ZNF33B: variants seen among roughly 807,000 people sequenced by gnomAD.
ZNF33B encodes the protein zinc finger protein 33B.
A neutral mutation model predicts 45.8 loss-of-function variants in ZNF33B; 29 were observed. The observed-to-expected ratio is 0.63, with a 90% CI of 0.47 to 0.86. The LOEUF is 0.86. Among genes scored for constraint, ZNF33B ranks in the 40% least tolerant of loss-of-function variants. The probability of loss-of-function intolerance (pLI) is 0.00; values close to 1 mark genes in which losing one functional copy is unlikely to be tolerated. For synonymous variants in ZNF33B, 305 were observed against 307.8 expected (o/e 0.99, Z 0.10); for missense variants, 831 against 909.9 (o/e 0.91, Z 1.12).
intron 4 of ZNF33B, among the ~76,000 whole-genome samples, chr10:42,625,352 GTTT>G (rs1264964747): frequency 6.7e-6 from 1 of 149,438 alleles, no homozygotes; most frequent in Non-Finnish European, 1.5e-5. Flanking sequence ...GTGGTATTAT[GTTT>G]TTAATTTAGA....
At position 42,603,741 on chromosome 10, in the gene ZNF33B, G is replaced by C. The variant is rs28650911; in HGVS notation, c.251-9042C>G. On this transcript the variant is annotated intron_variant, in intron 4 of 4. Coordinates refer to ENST00000359467, the MANE Select transcript of ZNF33B (RefSeq NM_006955.3). ...AATCAGTAGCGGCTATCAGCAAAGTGTAACAGCAACAGAGGCAGACAGGCT... is the reference window on the plus strand; with the variant it reads ...AATCAGTAGCGGCTATCAGCAAAGTCTAACAGCAACAGAGGCAGACAGGCT... 4.5e-3 allele frequency among the ~76,000 whole-genome samples: 681 copies of C among 152,306 alleles called. 3 individuals are homozygous for C. The highest frequency in any genetic ancestry group is 0.015 in the African/African-American group (642 of 41,574).
Position 42,592,315 on chromosome 10 carries a change from T to C in ZNF33B, c.*298A>G, listed in dbSNP as rs210281. The C allele has an allele frequency of 0.84, 498,556 of 595,202 alleles. 209,902 individuals are homozygous for C. Among genetic ancestry groups the C allele is most frequent in the East Asian group, 0.97 (22,745 of 23,394 alleles). The allele number at this position is 595,202 out of a possible 1,614,324, so 36.9% of individuals were successfully genotyped here. A position where few individuals can be genotyped will look rare whatever the true frequency, so the allele number is the denominator to read the frequency against. ...TTGACAATTTTCTCCTCAGTGTAAA[T>C]GCTAACATAATCCTATTTGTAGTTT... On this transcript the variant is annotated 3_prime_UTR_variant, in exon 5 of 5. Transcript: ENST00000359467.
At chr10:42,601,821 T>C (rs1164738876) in intron 4 of ZNF33B, among the ~76,000 whole-genome samples, 4 of 152,044 alleles carry the variant, frequency 2.6e-5, no homozygotes, top group Admixed American at 6.6e-5. Flanking sequence ...TTCATTTGTA[T>C]GGCTTCTATT....
chr10:42,574,385 T>G (rs1051294412), exon 2 of ZNF33B: 1 of 152,118 alleles, frequency 6.6e-6, no homozygotes, highest in Non-Finnish European at 1.5e-5. Context: ...TTTTGGGGGT[T>G]GTTTTCAAAG....
chr10:42,585,567 T>C (rs1836916848), downstream of ZNF33B, among the ~76,000 whole-genome samples: 1 of 152,232 alleles, frequency 6.6e-6, no homozygotes, highest in Non-Finnish European at 1.5e-5. Flanking sequence ...CAATGATTGA[T>C]AACACCAGCT....
chr10:42,606,077 G>A (rs945263413), intron 4 of ZNF33B, among the ~76,000 whole-genome samples: 3 of 149,768 alleles, frequency 2.0e-5, no homozygotes, highest in Admixed American at 2.0e-4. Context: ...CAGCCTCAAG[G>A]ACTCAGAGAG....
rs986390307 is a variant in ZNF33B at position 42,638,499 on chromosome 10, G to A, written c.-70C>T. ...CTCACTCTCTCTTCGGGTTGCATTC[G>A]CCATAAGAGAGCCGGTAGACCCCTG... On this transcript the variant is annotated 5_prime_UTR_variant, in exon 1 of 5. Transcript: ENST00000359467. 6 of 473,962 alleles carry A rather than the reference G, an allele frequency of 1.3e-5. No homozygotes were observed. The highest frequency in any genetic ancestry group is 9.9e-5 in the African/African-American group (5 of 50,528). The allele number at this position is 473,962 out of a possible 1,614,324, so 29.4% of individuals were successfully genotyped here. A position where few individuals can be genotyped will look rare whatever the true frequency, so the allele number is the denominator to read the frequency against.
At position 42,592,370 on chromosome 10, in the gene ZNF33B, T is replaced by TA; in HGVS notation, c.*242_*243insT. 1.3e-5 allele frequency: 8 copies of TA among 634,532 alleles called. No individual in the cohort carries two copies. The highest frequency in any genetic ancestry group is 1.9e-5 in the Non-Finnish European group (8 of 431,848). 39.3% of individuals were successfully genotyped at this position (634,532 alleles called of 1,614,324 possible). On this transcript the variant is annotated 3_prime_UTR_variant, in exon 5 of 5. Coordinates refer to ENST00000359467, the MANE Select transcript of ZNF33B (RefSeq NM_006955.3). ...AAAAACTTTCACAAATTCAAAAAAA[T>TA]CTGTGAGGTTTTATGCCAGTATTAA...
rs186587973 is a variant in ZNF33B, at chr10:42,600,671, C to T, written c.251-5972G>A. On this transcript the variant is annotated intron_variant, in intron 4 of 4. Transcript: ENST00000359467. Reference sequence around the variant, plus strand: ...ATATACCATTTATATTTTCTGTGATCATCAATGTTTATAAAAGCTTTAATC... The same window carrying T: ...ATATACCATTTATATTTTCTGTGATTATCAATGTTTATAAAAGCTTTAATC... Among the ~76,000 whole-genome samples, 407 of 152,198 alleles carry T rather than the reference C, an allele frequency of 2.7e-3. 2 individuals are homozygous for T. The highest frequency in any genetic ancestry group is 4.8e-3 in the Admixed American group (74 of 15,282).
chr10:42,628,165 G>A (rs185936454), intron 4 of ZNF33B, among the ~76,000 whole-genome samples: 9 of 152,190 alleles, frequency 5.9e-5, no homozygotes, highest in East Asian at 5.8e-4. Flanking sequence ...ACAGGCATGC[G>A]CCACCATGCC....
At chr10:42,619,846 T>G (rs779999978) in intron 4 of ZNF33B, among the ~76,000 whole-genome samples, 5 of 152,102 alleles carry the variant, frequency 3.3e-5, no homozygotes, top group Non-Finnish European at 7.3e-5. Flanking sequence ...CATGTTTAAT[T>G]ACAAAGACAA....
chr10:42,626,089 A>C (rs1408461431), intron 4 of ZNF33B, among the ~76,000 whole-genome samples: 1 of 152,208 alleles, frequency 6.6e-6, no homozygotes, highest in Non-Finnish European at 1.5e-5. Context: ...TTTATCATGG[A>C]TGCATACTGC....
In ZNF33B at chr10:42,638,513, G is replaced by A. The variant is rs1839452275; in HGVS notation, c.-84C>T. 4.1e-6 allele frequency: 2 copies of A among 482,614 alleles called. No homozygotes were observed. The highest frequency in any genetic ancestry group is 2.2e-5 in the Admixed American group (1 of 45,276). The allele number at this position is 482,614 out of a possible 1,614,324, so 29.9% of individuals were successfully genotyped here. A position where few individuals can be genotyped will look rare whatever the true frequency, so the allele number is the denominator to read the frequency against. On this transcript the variant is annotated 5_prime_UTR_variant, in exon 1 of 5. Coordinates refer to ENST00000359467, the MANE Select transcript of ZNF33B (RefSeq NM_006955.3). ...GGGTTGCATTCGCCATAAGAGAGCC[G>A]GTAGACCCCTGAAATCCCGGGACCG...
chr10:42,595,263 G>C (rs757077792), intron 4 of ZNF33B, among the ~76,000 whole-genome samples: 2 of 152,128 alleles, frequency 1.3e-5, no homozygotes, highest in Non-Finnish European at 2.9e-5. Context: ...CTCCCAGAAA[G>C]GGAAAGTTTT....
At position 42,605,672 on chromosome 10, in the gene ZNF33B, G is replaced by GTC. The variant is rs199590988; in HGVS notation, c.251-10974_251-10973insGA. 3.1e-3 allele frequency among the ~76,000 whole-genome samples: 478 copies of GTC among 152,248 alleles called. 3 individuals carry two copies. The highest frequency in any genetic ancestry group is 7.7e-3 in the Admixed American group (117 of 15,294). On this transcript the variant is annotated intron_variant, in intron 4 of 4. Coordinates refer to ENST00000359467, the MANE Select transcript of ZNF33B (RefSeq NM_006955.3). ...CACAATTATTGTGGGTAAAGGCAAT[G>GTC]ATACGAGAGAGTAAAAAAGGCACAC...
rs376915012 is a variant in ZNF33B at position 42,594,347 on chromosome 10, A to T, written c.603T>A (p.Ser201Arg). The change falls in exon 5 of 5, where the codon AGT becomes AGA. Residue 201 changes from serine to arginine, a missense_variant. Coordinates refer to ENST00000359467, the MANE Select transcript of ZNF33B (RefSeq NM_006955.3). ...CATGCTGCAAAGTGTTCTCACGATG[A>T]CTCAGAGTGTTCCTATTTTTCAAAA... ...NEVLKNRNTL[S>R]HRENTLQHEK... 6.2e-7 allele frequency: 1 copy of T among 1,613,900 alleles called. No individual in the cohort carries two copies. The highest frequency in any genetic ancestry group is 8.5e-7 in the Non-Finnish European group (1 of 1,179,906).
chr10:42,627,379 T>C (rs1838858314), intron 4 of ZNF33B, among the ~76,000 whole-genome samples: 1 of 152,218 alleles, frequency 6.6e-6, no homozygotes, highest in African/African-American at 2.4e-5. Context: ...GGTGGAGTGA[T>C]ATTCCCTGTT....
At chr10:42,619,214 T>A (rs1838465084) in intron 4 of ZNF33B, among the ~76,000 whole-genome samples, 1 of 152,004 alleles carries the variant, frequency 6.6e-6, no homozygotes, top group African/African-American at 2.4e-5. Context: ...GAATGCTAAA[T>A]CAGGAAAAAG....
At chr10:42,626,835 C>T (rs1838830465) in intron 4 of ZNF33B, among the ~76,000 whole-genome samples, 2 of 152,018 alleles carry the variant, frequency 1.3e-5, no homozygotes, top group South Asian at 4.1e-4. Context: ...CTCTAGTACA[C>T]AGAAATTGGT....
Sources: allele counts gnomAD v4.1 joint callset (sites outside exome capture counted in the v4.1 genomes callset), GRCh38; gene constraint gnomAD v4.1.1; transcripts MANE v1.5; gene names NCBI Gene and HGNC (gene_info 2026-07-23, HGNC 2026-07-21).